Variants in CRADD observed in about 807,000 individuals in gnomAD.
CRADD encodes CARD and death domain containing adaptor protein.
A neutral mutation model predicts 15.5 loss-of-function variants in CRADD; 9 were observed. The ratio of observed to expected loss-of-function variants is 0.58; its 90% confidence interval spans 0.35 to 1.01. CRADD has a LOEUF of 1.01. Among genes scored for constraint, CRADD ranks in the 50% least tolerant of loss-of-function variants. The probability of loss-of-function intolerance (pLI) is 0.02; values close to 1 mark genes in which losing one functional copy is unlikely to be tolerated. For synonymous variants in CRADD, 118 were observed against 107.6 expected, an observed-to-expected ratio of 1.10 and a Z score of -0.60; for missense variants, 227 against 250.3, an observed-to-expected ratio of 0.91 and a Z score of 0.63.
intron 2 of CRADD, among the ~76,000 whole-genome samples, chr12:93,864,329 C>T (rs556180006): frequency 1.3e-5 from 2 of 152,300 alleles, no homozygotes; most frequent in South Asian, 2.1e-4. Flanking sequence ...GCTGGGATTA[C>T]AGACATGAGC....
chr12:93,885,376 T>C (rs1484986726), intron 2 of CRADD, among the ~76,000 whole-genome samples: 1 of 152,190 alleles, frequency 6.6e-6, no homozygotes, highest in Non-Finnish European at 1.5e-5. Flanking sequence ...TTTTTTGCAA[T>C]CTGTTCTTTG....
chr12:93,876,198 C>T (rs61927337), intron 2 of CRADD, among the ~76,000 whole-genome samples: 54,118 of 151,982 alleles, frequency 0.36, 10,995 homozygotes, highest in Middle Eastern at 0.47. Flanking sequence ...CATAGTGGAG[C>T]TCCATTGTAT....
intron 2 of CRADD, among the ~76,000 whole-genome samples, chr12:93,787,305 G>T (rs938632089): frequency 4.2e-4 from 53 of 124,740 alleles, no homozygotes; most frequent in African/African-American, 1.7e-3. Context: ...GTATGACAGG[G>T]TTTTTTTTTT....
chr12:93,793,626 A>G (rs933875629), intron 2 of CRADD, among the ~76,000 whole-genome samples: 8 of 152,182 alleles, frequency 5.3e-5, no homozygotes, highest in Admixed American at 1.3e-4. Flanking sequence ...TCTCACTTAA[A>G]AACAATTGTT....
At chr12:93,820,429 G>T (rs1157205430) in intron 2 of CRADD, among the ~76,000 whole-genome samples, 1 of 151,912 alleles carries the variant, frequency 6.6e-6, no homozygotes, top group African/African-American at 2.4e-5. Flanking sequence ...GGCACCTGTA[G>T]TCCCAGCTAC....
chr12:93,822,608 C>T (rs758008351), intron 2 of CRADD, among the ~76,000 whole-genome samples: 1 of 152,128 alleles, frequency 6.6e-6, no homozygotes, highest in Non-Finnish European at 1.5e-5. Flanking sequence ...GGGACAAGTT[C>T]CCAAAAAGAG....
At chr12:93,731,064 G>A (rs1956455919) in intron 2 of CRADD, among the ~76,000 whole-genome samples, 1 of 152,094 alleles carries the variant, frequency 6.6e-6, no homozygotes, top group African/African-American at 2.4e-5. Flanking sequence ...AACAAAGCAT[G>A]TTGCAAAACA....
intron 2 of CRADD, among the ~76,000 whole-genome samples, chr12:93,751,284 C>CA (rs1956826372): frequency 6.6e-6 from 1 of 152,190 alleles, no homozygotes; most frequent in Non-Finnish European, 1.5e-5. Context: ...TGTTTACCTA[C>CA]AGTGAGGGCA....
At chr12:93,864,123 T>C (rs1000163450) in intron 2 of CRADD, among the ~76,000 whole-genome samples, 6 of 152,194 alleles carry the variant, frequency 3.9e-5, no homozygotes, top group Non-Finnish European at 8.8e-5. Flanking sequence ...GGCACAGTCA[T>C]AGCTTACTAT....
chr12:93,798,387 G>C (rs772451279), intron 2 of CRADD, among the ~76,000 whole-genome samples: 5 of 152,100 alleles, frequency 3.3e-5, no homozygotes. Flanking sequence ...ACAGAAATAA[G>C]ACTGATTGAG....
intron 2 of CRADD, among the ~76,000 whole-genome samples, chr12:93,790,981 C>T (rs1172697887): frequency 1.3e-5 from 2 of 151,596 alleles, no homozygotes; most frequent in East Asian, 1.9e-4. Context: ...CCCCACCCCC[C>T]GACTTCCTGC....
chr12:93,738,608 A>T (rs192887710), intron 2 of CRADD: 6 of 591,630 alleles, frequency 1.0e-5, no homozygotes, highest in Admixed American at 9.0e-5. Context: ...GCCAGCCCTT[A>T]ATAAAAACTA....
chr12:93,728,121 T>C (rs61928995), intron 2 of CRADD, among the ~76,000 whole-genome samples: 8,160 of 152,318 alleles, frequency 0.054, 265 homozygotes, highest in South Asian at 0.067. Context: ...TCAATACATG[T>C]TTGTTAAATA....
intron 2 of CRADD, among the ~76,000 whole-genome samples, chr12:93,809,017 C>T (rs866404814): frequency 6.6e-5 from 10 of 152,070 alleles, no homozygotes; most frequent in African/African-American, 1.7e-4. Flanking sequence ...CAGGTTCAAG[C>T]GATTCTCCTG....
At chr12:93,736,880 A>G (rs531398185) in intron 2 of CRADD, among the ~76,000 whole-genome samples, 3 of 152,356 alleles carry the variant, frequency 2.0e-5, no homozygotes, top group Admixed American at 1.3e-4. Context: ...GTTCTCTTTT[A>G]TAGAACTCAT....
chr12:93,829,689 T>G (rs1434289790), intron 2 of CRADD, among the ~76,000 whole-genome samples: 2 of 151,486 alleles, frequency 1.3e-5, no homozygotes, highest in Admixed American at 6.6e-5. Context: ...GTTTTGGTTT[T>G]TTGTTGTTGT....
At chr12:93,876,642 T>C (rs952370724) in intron 2 of CRADD, among the ~76,000 whole-genome samples, 4 of 152,150 alleles carry the variant, frequency 2.6e-5, no homozygotes, top group Non-Finnish European at 4.4e-5. Context: ...ATTGCATTTT[T>C]CAGCTTCAGA....
At chr12:93,875,649 C>T (rs749937357) in intron 2 of CRADD, among the ~76,000 whole-genome samples, 1 of 152,050 alleles carries the variant, frequency 6.6e-6, no homozygotes, top group African/African-American at 2.4e-5. Context: ...GATACCAACA[C>T]TGTTTGCATA....
chr12:93,684,299 A>G (rs1449169449), intron 2 of CRADD, among the ~76,000 whole-genome samples: 2 of 152,138 alleles, frequency 1.3e-5, no homozygotes, highest in African/African-American at 4.8e-5. Flanking sequence ...TGGTTTCGGG[A>G]TGAAACTGTT....
Sources: allele counts gnomAD v4.1 joint callset (sites outside exome capture counted in the v4.1 genomes callset), GRCh38; gene constraint gnomAD v4.1.1; transcripts MANE v1.5; gene names NCBI Gene and HGNC (gene_info 2026-07-23, HGNC 2026-07-21).